The following NCKAP5 variants were observed in gnomAD, a reference collection of about 807,000 sequenced individuals.
NCKAP5 encodes nck-associated protein 5.
A neutral mutation model predicts 167.0 loss-of-function variants in NCKAP5; 92 were observed. The observed-to-expected ratio is 0.55, with a 90% CI of 0.47 to 0.66. NCKAP5 has a LOEUF of 0.66. NCKAP5 is among the 30% of genes least tolerant of loss of function. NCKAP5 has a pLI of 0.00. For synonymous variants in NCKAP5, 891 were observed against 877.4 expected (o/e 1.02, Z -0.27); for missense variants, 2,378 against 2,315.0 (o/e 1.03, Z -0.56).
At chr2:133,309,077 G>T (rs1681043406) in intron 3 of NCKAP5, among the ~76,000 whole-genome samples, 1 of 152,020 alleles carries the variant, frequency 6.6e-6, no homozygotes, top group South Asian at 2.1e-4. Flanking sequence ...AATGCTAAGT[G>T]AAAGAAGGAT....
At chr2:133,059,240 C>T (rs898926063) in intron 6 of NCKAP5, among the ~76,000 whole-genome samples, 3 of 152,046 alleles carry the variant, frequency 2.0e-5, no homozygotes, top group African/African-American at 7.2e-5. Context: ...GGGGAGCTTG[C>T]AGTGAGCCGA....
At chr2:133,185,413 T>G (rs568620135) in intron 5 of NCKAP5, among the ~76,000 whole-genome samples, 3 of 152,206 alleles carry the variant, frequency 2.0e-5, no homozygotes, top group East Asian at 3.9e-4. Flanking sequence ...CAGCTATGCT[T>G]CTTTTGCTCC....
chr2:133,417,272 GC>G (rs565007636), intron 3 of NCKAP5, among the ~76,000 whole-genome samples: 197 of 152,232 alleles, frequency 1.3e-3, no homozygotes, highest in South Asian at 3.1e-3. Flanking sequence ...GCCCAGAATG[GC>G]CAGCTCTCTC....
chr2:133,395,249 G>C (rs2151002805), intron 3 of NCKAP5, among the ~76,000 whole-genome samples: 1 of 152,312 alleles, frequency 6.6e-6, no homozygotes, highest in Middle Eastern at 3.4e-3. Context: ...TGGATTGGCA[G>C]GAAGGCTTAT....
At chr2:132,827,789 G>A (rs1182327580) in intron 11 of NCKAP5, among the ~76,000 whole-genome samples, 1 of 152,094 alleles carries the variant, frequency 6.6e-6, no homozygotes, top group East Asian at 1.9e-4. Flanking sequence ...CCTTTATACT[G>A]ATTCTTATTT....
chr2:132,848,889 T>G (rs1431560459), intron 11 of NCKAP5, among the ~76,000 whole-genome samples: 1 of 152,106 alleles, frequency 6.6e-6, no homozygotes, highest in African/African-American at 2.4e-5. Flanking sequence ...TAAAAACAAC[T>G]GTTTTTTTTA....
chr2:132,729,226 A>G (rs1318854634), intron 17 of NCKAP5, among the ~76,000 whole-genome samples: 1 of 152,198 alleles, frequency 6.6e-6, no homozygotes, highest in East Asian at 1.9e-4. Flanking sequence ...ACAGGTTAGG[A>G]AGGGTTCAGC....
At chr2:133,173,088 G>A (rs1262288719) in intron 5 of NCKAP5, among the ~76,000 whole-genome samples, 2 of 152,164 alleles carry the variant, frequency 1.3e-5, no homozygotes, top group African/African-American at 4.8e-5. Context: ...TCAAGCCAGG[G>A]GCAACCAGTA....
At chr2:133,046,746 T>C (rs1381844649) in intron 6 of NCKAP5, among the ~76,000 whole-genome samples, 2 of 151,820 alleles carry the variant, frequency 1.3e-5, no homozygotes, top group Non-Finnish European at 2.9e-5. Context: ...AAAAACCATA[T>C]AAGGCAATAG....
intron 4 of NCKAP5, among the ~76,000 whole-genome samples, chr2:133,243,806 C>T (rs1006181487): frequency 3.9e-5 from 6 of 152,140 alleles, no homozygotes; most frequent in African/African-American, 1.4e-4. Context: ...ACAACGTTTG[C>T]TTCTTTCTCT....
intron 2 of NCKAP5, among the ~76,000 whole-genome samples, chr2:133,535,317 G>GT (rs1293324690): frequency 2.0e-5 from 3 of 151,860 alleles, no homozygotes; most frequent in Admixed American, 1.3e-4. Context: ...AGTTCTCGGT[G>GT]TCTATTATTT....
intron 6 of NCKAP5, among the ~76,000 whole-genome samples, chr2:133,047,306 G>C (rs1355347593): frequency 6.6e-6 from 1 of 152,246 alleles, no homozygotes; most frequent in Admixed American, 6.5e-5. Flanking sequence ...CCCTGGGCTC[G>C]ACCCCACAGA....
chr2:132,759,649 C>T (rs1438913171), intron 16 of NCKAP5, among the ~76,000 whole-genome samples: 1 of 152,012 alleles, frequency 6.6e-6, no homozygotes, highest in Admixed American at 6.5e-5. Flanking sequence ...TACAGCTATA[C>T]CAGGTTTCTT....
intron 6 of NCKAP5, among the ~76,000 whole-genome samples, chr2:133,021,787 C>T (rs749985709): frequency 1.4e-4 from 22 of 152,120 alleles, no homozygotes; most frequent in African/African-American, 1.2e-4. Flanking sequence ...CATGCCACCA[C>T]GCCTGGCTAA....
intron 6 of NCKAP5, among the ~76,000 whole-genome samples, chr2:133,084,737 C>G (rs2080927522): frequency 6.6e-6 from 1 of 152,190 alleles, no homozygotes; most frequent in African/African-American, 2.4e-5. Context: ...AAGAGACTTA[C>G]AGCCACCATT....
At chr2:132,854,378 C>T (rs1689301980) in intron 11 of NCKAP5, among the ~76,000 whole-genome samples, 1 of 152,220 alleles carries the variant, frequency 6.6e-6, no homozygotes, top group Non-Finnish European at 1.5e-5. Context: ...CATATCAATG[C>T]TGCCAGGACT....
intron 3 of NCKAP5, among the ~76,000 whole-genome samples, chr2:133,320,663 G>A (rs1202908884): frequency 6.6e-6 from 1 of 150,432 alleles, no homozygotes; most frequent in Non-Finnish European, 1.5e-5. Context: ...GGAAGGCGGA[G>A]CTTGCAGTGA....
chr2:132,809,983 T>C (rs1300291488), intron 11 of NCKAP5, among the ~76,000 whole-genome samples: 1 of 152,244 alleles, frequency 6.6e-6, no homozygotes, highest in African/African-American at 2.4e-5. Flanking sequence ...GGCTTACTGA[T>C]GGCAAATTAT....
chr2:132,835,754 T>A (rs886964462), intron 11 of NCKAP5, among the ~76,000 whole-genome samples: 8 of 152,162 alleles, frequency 5.3e-5, no homozygotes, highest in Admixed American at 2.0e-4. Flanking sequence ...CAATTAATTT[T>A]ATTTTATCCA....
Sources: allele counts gnomAD v4.1 joint callset (sites outside exome capture counted in the v4.1 genomes callset), GRCh38; gene constraint gnomAD v4.1.1; transcripts MANE v1.5; gene names NCBI Gene and HGNC (gene_info 2026-07-23, HGNC 2026-07-21).